The following CTNNA3 variants were observed in gnomAD, a reference collection of about 807,000 sequenced individuals.
CTNNA3 encodes catenin alpha-3.
CTNNA3 carries 76 observed loss-of-function variants against 95.7 expected under a neutral mutation model. The observed-to-expected ratio is 0.79, with a 90% CI of 0.66 to 0.96. The LOEUF (loss-of-function observed/expected upper bound fraction) is 0.96, where lower values mean the gene tolerates loss of function less well. CTNNA3 is among the 40% of genes least tolerant of loss of function. CTNNA3 has a pLI of 0.00. For synonymous variants in CTNNA3, 431 were observed against 374.4 expected, an observed-to-expected ratio of 1.15 and a Z score of -1.74; for missense variants, 1,191 against 1,089.8, an observed-to-expected ratio of 1.09 and a Z score of -1.31.
chr10:67,089,236 A>G (rs1564883427), intron 7 of CTNNA3, among the ~76,000 whole-genome samples: 1 of 152,074 alleles, frequency 6.6e-6, no homozygotes, highest in Non-Finnish European at 1.5e-5. Flanking sequence ...TTAGCTCTTA[A>G]GAAAATATAA....
intron 10 of CTNNA3, among the ~76,000 whole-genome samples, chr10:66,610,475 G>A (rs1298732378): frequency 6.6e-6 from 1 of 151,682 alleles, no homozygotes; most frequent in Non-Finnish European, 1.5e-5. Context: ...AGACATGTTG[G>A]GGAAAAAAAA....
chr10:66,267,382 C>G (rs2091182962), intron 13 of CTNNA3, among the ~76,000 whole-genome samples: 1 of 152,058 alleles, frequency 6.6e-6, no homozygotes, highest in African/African-American at 2.4e-5. Context: ...TCATCAAAGC[C>G]CAACTGGAAT....
intron 5 of CTNNA3, among the ~76,000 whole-genome samples, chr10:67,419,519 C>A (rs1845670777): frequency 6.6e-6 from 1 of 152,126 alleles, no homozygotes; most frequent in African/African-American, 2.4e-5. Flanking sequence ...CCACTTCACC[C>A]TCTAGTAATC....
chr10:66,802,042 A>T (rs1443001391), intron 7 of CTNNA3, among the ~76,000 whole-genome samples: 1 of 151,676 alleles, frequency 6.6e-6, no homozygotes, highest in Non-Finnish European at 1.5e-5. Flanking sequence ...AGATAACCAT[A>T]TTTTTTAAAT....
At chr10:66,423,619 G>A (rs867614910) in intron 11 of CTNNA3, among the ~76,000 whole-genome samples, 33 of 152,206 alleles carry the variant, frequency 2.2e-4, no homozygotes, top group South Asian at 4.1e-4. Flanking sequence ...TCTCTGCCCA[G>A]AGAGATGTTT....
intron 7 of CTNNA3, among the ~76,000 whole-genome samples, chr10:66,895,960 G>A (rs2132508245): frequency 6.6e-6 from 1 of 151,606 alleles, no homozygotes; most frequent in South Asian, 2.1e-4. Flanking sequence ...AGCTGGGCAT[G>A]GTGGCACATG....
chr10:66,025,413 AC>A (rs2079314048), intron 15 of CTNNA3, among the ~76,000 whole-genome samples: 1 of 152,168 alleles, frequency 6.6e-6, no homozygotes, highest in East Asian at 1.9e-4. Flanking sequence ...TTCCTGGAAA[AC>A]AATGTCAAAC....
In CTNNA3 at chr10:66,440,284, A is replaced by C. The variant is rs372758293; in HGVS notation, c.1532-60932T>G. 4.7e-4 allele frequency among the ~76,000 whole-genome samples: 71 copies of C among 152,276 alleles called. 1 individual carries two copies. In the South Asian group the frequency reaches 0.015, roughly 31 times the overall value. On this transcript the variant is annotated intron_variant, in intron 11 of 17. Coordinates refer to ENST00000433211, the MANE Select transcript of CTNNA3 (RefSeq NM_013266.4). ...AGTACAGTTGAGCATATATATGTTT[A>C]TTTATATAAATCAGGGCATTTCTTA...
chr10:67,068,177 G>A (rs71496030), intron 7 of CTNNA3, among the ~76,000 whole-genome samples: 1 of 152,130 alleles, frequency 6.6e-6, no homozygotes, highest in Non-Finnish European at 1.5e-5. Context: ...AGAAGAGAAG[G>A]GGGGAAGGAT....
At chr10:66,014,802 C>T (rs957615676) in intron 15 of CTNNA3, among the ~76,000 whole-genome samples, 6 of 152,102 alleles carry the variant, frequency 3.9e-5, no homozygotes, top group East Asian at 3.9e-4. Context: ...TTCTAGATCA[C>T]GCTATATAAC....
intron 7 of CTNNA3, chr10:66,925,909 T>C (rs80074358): frequency 0.012 from 4,910 of 417,104 alleles, 221 homozygotes; most frequent in African/African-American, 0.09. Flanking sequence ...CCCAAAAGAA[T>C]CATTCATTTT....
intron 13 of CTNNA3, among the ~76,000 whole-genome samples, chr10:66,236,662 T>C (rs1589814159): frequency 2.6e-5 from 4 of 152,288 alleles, no homozygotes; most frequent in Admixed American, 1.3e-4. Flanking sequence ...TTTATGATAA[T>C]TTATCGGGTT....
chr10:66,617,218 A>G (rs372341279), intron 10 of CTNNA3, among the ~76,000 whole-genome samples: 12 of 152,058 alleles, frequency 7.9e-5, no homozygotes, highest in African/African-American at 2.9e-4. Flanking sequence ...ATATGGTAAC[A>G]TAATAAGTCA....
chr10:65,949,743 G>A (rs573290627), intron 17 of CTNNA3, among the ~76,000 whole-genome samples: 13 of 152,250 alleles, frequency 8.5e-5, no homozygotes, highest in Non-Finnish European at 1.3e-4. Context: ...AGTTATTAGC[G>A]ATTGGTTGTC....
chr10:66,616,463 T>C (rs948343922), intron 10 of CTNNA3, among the ~76,000 whole-genome samples: 26 of 152,092 alleles, frequency 1.7e-4, no homozygotes, highest in African/African-American at 5.5e-4. Flanking sequence ...ATGAGAGTGA[T>C]TGTGTTCCTC....
intron 17 of CTNNA3, among the ~76,000 whole-genome samples, chr10:65,965,101 A>G (rs2077928806): frequency 6.6e-6 from 1 of 152,158 alleles, no homozygotes; most frequent in African/African-American, 2.4e-5. Flanking sequence ...TTCCCCCTCT[A>G]ACAACCACTG....
At chr10:67,560,700 A>G (rs1039770262) in intron 3 of CTNNA3, among the ~76,000 whole-genome samples, 1 of 152,200 alleles carries the variant, frequency 6.6e-6, no homozygotes, top group Non-Finnish European at 1.5e-5. Flanking sequence ...GGCAAATTGG[A>G]TAAAGATTCA....
intron 15 of CTNNA3, among the ~76,000 whole-genome samples, chr10:66,033,039 T>G (rs544722706): frequency 6.6e-6 from 1 of 152,282 alleles, no homozygotes; most frequent in East Asian, 1.9e-4. Context: ...GACATGTTCA[T>G]CTCATCCTGG....
intron 10 of CTNNA3, among the ~76,000 whole-genome samples, chr10:66,620,357 C>G (rs1844702820): frequency 6.9e-6 from 1 of 144,844 alleles, no homozygotes; most frequent in Non-Finnish European, 1.5e-5. Context: ...CAAAATACAA[C>G]CTAACAAAAA....
Sources: gnomAD v4.1 joint callset for allele counts (sites outside exome capture counted in the v4.1 genomes callset) on GRCh38, gnomAD v4.1.1 for gene constraint, MANE v1.5 for transcripts, NCBI Gene and HGNC (gene_info 2026-07-23, HGNC 2026-07-21) for gene names.